The following KDM6A variants were observed in gnomAD, a reference collection of about 807,000 sequenced individuals.
KDM6A encodes the protein lysine demethylase 6A, also known as lysine-specific demethylase 6A.
KDM6A carries 11 observed loss-of-function variants against 117.6 expected under a neutral mutation model. The ratio of observed to expected loss-of-function variants is 0.09; its 90% CI spans 0.06 to 0.15. KDM6A has a LOEUF of 0.15. Ranked by LOEUF, KDM6A falls within the 10% of genes least tolerant of loss-of-function variation. The pLI is 1.00. For synonymous variants in KDM6A, 384 were observed against 396.1 expected (o/e 0.97, Z 0.36); for missense variants, 799 against 1,077.3 (o/e 0.74, Z 3.62).
In KDM6A at chrX:45,111,466, G is replaced by T. The variant is rs192800843; in HGVS notation, c.*55G>T. Reference sequence around the variant, plus strand: ...TTTCTGCTATTCAGGAAATAACCCAGTTCTGCACCACTGGTTTTTGTAGCT... The same window carrying T: ...TTTCTGCTATTCAGGAAATAACCCATTTCTGCACCACTGGTTTTTGTAGCT... On this transcript the variant is annotated 3_prime_UTR_variant, in exon 30 of 30. Coordinates refer to ENST00000611820, the MANE Select transcript of KDM6A (RefSeq NM_001291415.2). The T allele has an allele frequency of 2.0e-6, 2 of 989,509 alleles. No homozygotes were observed. The highest frequency in any genetic ancestry group is 3.1e-5 in the East Asian group (1 of 32,752). 81.5% of individuals were successfully genotyped at this position (989,509 alleles called of 1,213,427 possible).
At chrX:44,990,842 A>G (rs1265650299) in intron 4 of KDM6A, among the ~76,000 whole-genome samples, 1 of 112,037 alleles carries the variant, frequency 8.9e-6, no homozygotes, top group African/African-American at 3.2e-5. Flanking sequence ...AGACTATCCT[A>G]CCTTTGTAAT....
At chrX:44,972,013 G>C (rs970715231) in intron 3 of KDM6A, among the ~76,000 whole-genome samples, 2 of 110,321 alleles carry the variant, frequency 1.8e-5, no homozygotes. Context: ...CAGGGGTTTG[G>C]GGGGAGTGTT....
chrX:44,976,830 C>T (rs1367266029), intron 4 of KDM6A, among the ~76,000 whole-genome samples: 1 of 110,931 alleles, frequency 9.0e-6, no homozygotes, highest in Non-Finnish European at 1.9e-5. Flanking sequence ...TTTCAGTTTT[C>T]TTGGGTAGGT....
Position 45,111,424 on chromosome X carries a change from G to T in KDM6A, c.*13G>T. On this transcript the variant is annotated 3_prime_UTR_variant, in exon 30 of 30. Transcript: ENST00000611820. ...CGCCTCATCTTGATATTGTTCCATG[G>T]ACATTAAATGAGACCTTTTCTGCTA... The T allele has an allele frequency of 1.7e-6, 2 of 1,173,845 alleles. No homozygotes were observed. The highest frequency in any genetic ancestry group is 1.2e-6 in the Non-Finnish European group (1 of 862,496).
chrX:45,062,715 G>A lies in KDM6A; in HGVS notation c.1650G>A (p.Leu550=). ...CACAGAAACTGATGCTGGAACAGCT[G>A]GAAAGTCAGTTTGTCTTAATGCAAC... ...NPAQKLMLEQ[L]ESQFVLMQQH... Residue 550 remains leucine (L), a synonymous_variant, in exon 16 of 30, where the codon CTG becomes CTA. Transcript: ENST00000611820. The A allele has an allele frequency of 1.7e-6, 2 of 1,203,199 alleles. No homozygotes were observed. The highest frequency in any genetic ancestry group is 2.3e-6 in the Non-Finnish European group (2 of 887,823).
At chrX:45,050,592 A>C (rs1452801903) in intron 8 of KDM6A, among the ~76,000 whole-genome samples, 2 of 111,537 alleles carry the variant, frequency 1.8e-5, no homozygotes, top group Non-Finnish European at 3.8e-5. Context: ...TTTTTTGAAA[A>C]TATTTGTTTG....
intron 4 of KDM6A, among the ~76,000 whole-genome samples, chrX:44,989,476 C>G (rs1475772771): frequency 9.1e-6 from 1 of 109,833 alleles, no homozygotes; most frequent in Non-Finnish European, 1.9e-5. Flanking sequence ...GCAGAAATCA[C>G]CTGTCTTCTG....
rs2041064093 is a variant in KDM6A, at chrX:45,000,111, T to C, written c.385-10850T>C. Among the ~76,000 whole-genome samples, 3 of 111,971 alleles carry C rather than the reference T, an allele frequency of 2.7e-5. No homozygotes were observed. The Admixed American group carries it at 2.8e-4, about 11-fold the overall frequency. The stretch of plus-strand genomic sequence containing the variant: ...CAAACTCCTCCTCTTTCTGCTAATA[T>C]CATGTCTAAGGCTATCCTGTTTTCC... On this transcript the variant is annotated intron_variant, in intron 4 of 29. Coordinates refer to ENST00000611820, the MANE Select transcript of KDM6A (RefSeq NM_001291415.2).
chrX:45,020,799 A>G (rs1440373796), intron 6 of KDM6A, 69 bp downstream of exon 6: 2 of 1,094,393 alleles, frequency 1.8e-6, no homozygotes, highest in Non-Finnish European at 2.5e-6. Flanking sequence ...TTTTTCTTAA[A>G]TATTAGAGCA....
rs1378566817 is a variant in KDM6A at position 45,061,404 on chromosome X, A to G, written c.1566A>G (p.Thr522=). The G allele has an allele frequency of 5.3e-6, 6 of 1,137,797 alleles. No homozygotes were observed. Among genetic ancestry groups the G allele is most frequent in the Non-Finnish European group, 7.2e-6 (6 of 834,841 alleles). 93.8% of individuals were successfully genotyped at this position (1,137,797 alleles called of 1,213,427 possible). The change falls in exon 15 of 30, where the codon ACA becomes ACG. Residue 522 remains threonine, a synonymous_variant. Coordinates refer to ENST00000611820, the MANE Select transcript of KDM6A (RefSeq NM_001291415.2). ...VQQQAHSWCL[T]PQKLQHLEQL... ...AACAAGCTCATTCATGGTGTTTGAC[A>G]CCACAGAAATTACAGGTATGTAAGA... is the stretch of plus-strand genomic sequence containing the variant.
chrX:45,078,302 A>C, intron 19 of KDM6A, 98 bp from the exon 20 acceptor site: 1 of 854,003 alleles, frequency 1.2e-6, no homozygotes, highest in South Asian at 2.4e-5. Context: ...AAAATGCGTT[A>C]TTTAAATTGT....
chrX:45,095,935 G>A (rs183538282), intron 27 of KDM6A, among the ~76,000 whole-genome samples: 1 of 111,968 alleles, frequency 8.9e-6, no homozygotes, highest in Non-Finnish European at 1.9e-5. Context: ...GCTTTTAAAT[G>A]TGTGCTTGAA....
At chrX:45,053,609 A>T (rs1175424463) in intron 9 of KDM6A, among the ~76,000 whole-genome samples, 1 of 112,139 alleles carries the variant, frequency 8.9e-6, no homozygotes, top group Non-Finnish European at 1.9e-5. Flanking sequence ...ATTTCTCTTG[A>T]ATGAAAGCCC....
At chrX:45,049,724 G>A (rs1477721655) in intron 8 of KDM6A, among the ~76,000 whole-genome samples, 1 of 111,897 alleles carries the variant, frequency 8.9e-6, no homozygotes, top group Non-Finnish European at 1.9e-5. Flanking sequence ...GGATTAGGGA[G>A]GTCTTTGTGA....
intron 16 of KDM6A, 95 bp from the exon 17 acceptor site, chrX:45,063,327 C>T: frequency 1.2e-6 from 1 of 831,091 alleles, no homozygotes; most frequent in Non-Finnish European, 1.8e-6. Context: ...TATACATCTT[C>T]ATATTCATCT....
intron 2 of KDM6A, among the ~76,000 whole-genome samples, chrX:44,885,802 C>A (rs959102467): frequency 4.6e-5 from 5 of 109,284 alleles, no homozygotes; most frequent in African/African-American, 1.7e-4. Context: ...AACCCAGAGG[C>A]AGAGTTGCAG....
At chrX:45,034,905 T>G (rs1569525791) in intron 6 of KDM6A, 26 bp from the exon 7 acceptor site, 2 of 1,180,226 alleles carry the variant, frequency 1.7e-6, no homozygotes, top group Non-Finnish European at 2.3e-6. Context: ...ATTGACTGCA[T>G]TAATTTTCTC....
At chrX:45,001,954 C>G (rs1293356617) in intron 4 of KDM6A, among the ~76,000 whole-genome samples, 2 of 110,988 alleles carry the variant, frequency 1.8e-5, no homozygotes, top group African/African-American at 6.6e-5. Context: ...ACCGGAAATT[C>G]TAGGGGTGGT....
intron 23 of KDM6A, 31 bp downstream of exon 23, chrX:45,082,820 T>C (rs770843569): frequency 7.6e-6 from 7 of 918,470 alleles, no homozygotes; most frequent in Non-Finnish European, 9.5e-6. Flanking sequence ...TTCTGTGAAC[T>C]GATGCAAAGA....
Sources: allele counts gnomAD v4.1 joint callset (sites outside exome capture counted in the v4.1 genomes callset), GRCh38; gene constraint gnomAD v4.1.1; transcripts MANE v1.5; gene names NCBI Gene and HGNC (gene_info 2026-07-23, HGNC 2026-07-21).